FARS2: variants seen among roughly 807,000 people sequenced by gnomAD.
FARS2 encodes phenylalanyl-tRNA synthetase 2, mitochondrial.
FARS2 carries 40 observed loss-of-function variants against 46.4 expected under a neutral mutation model. That is an observed-to-expected ratio of 0.86 (90% CI 0.67 to 1.12). The LOEUF is 1.12. FARS2 is among the 50% of genes most tolerant of loss of function. FARS2 has a pLI of 0.00. For missense variants in FARS2, 513 were observed against 567.9 expected, an observed-to-expected ratio of 0.90 and a Z score of 0.98; for synonymous variants, 234 against 214.9, an observed-to-expected ratio of 1.09 and a Z score of -0.78.
intron 1 of FARS2, among the ~76,000 whole-genome samples, chr6:5,282,612 A>G (rs1766817573): frequency 6.6e-6 from 1 of 152,222 alleles, no homozygotes; most frequent in Admixed American, 6.5e-5. Flanking sequence ...TCCCTGGAAG[A>G]GAAAGGGGCT....
chr6:5,339,465 G>A (rs997740465), intron 1 of FARS2, among the ~76,000 whole-genome samples: 2 of 150,118 alleles, frequency 1.3e-5, no homozygotes, highest in African/African-American at 4.9e-5. Flanking sequence ...GTCTCACCTT[G>A]TCAGCCAGGT....
chr6:5,428,910 A>G (rs1301171257), intron 3 of FARS2, among the ~76,000 whole-genome samples: 3 of 152,236 alleles, frequency 2.0e-5, no homozygotes, highest in Non-Finnish European at 2.9e-5. Context: ...AAAAGGAATG[A>G]ACTATTGATA....
At chr6:5,613,408 C>G (rs1282266146) in intron 6 of FARS2, 88 bp downstream of exon 6, 4 of 1,184,874 alleles carry the variant, frequency 3.4e-6, no homozygotes, top group Non-Finnish European at 4.8e-6. Context: ...TGCTGAAACC[C>G]AGGGTATCTG....
At chr6:5,461,739 G>A (rs1765255784) in intron 4 of FARS2, among the ~76,000 whole-genome samples, 1 of 152,168 alleles carries the variant, frequency 6.6e-6, no homozygotes, top group Non-Finnish European at 1.5e-5. Flanking sequence ...GTGTTTTGCG[G>A]TTCATCCTAT....
chr6:5,717,072 A>G (rs6942212), intron 6 of FARS2, among the ~76,000 whole-genome samples: 145,600 of 152,310 alleles, frequency 0.96, 69,638 homozygotes, highest in East Asian at 1. Context: ...TCTCTGTGCA[A>G]CATTCCTTCC....
intron 5 of FARS2, 57 bp downstream of exon 5, chr6:5,545,397 A>G (rs867132569): frequency 2.3e-6 from 3 of 1,327,718 alleles, no homozygotes; most frequent in South Asian, 1.3e-5. Flanking sequence ...TCAAGGATCG[A>G]CAGGATCATG....
chr6:5,618,357 C>G (rs1285534168), intron 6 of FARS2, among the ~76,000 whole-genome samples: 2 of 152,160 alleles, frequency 1.3e-5, no homozygotes, highest in Non-Finnish European at 2.9e-5. Context: ...GACCTTGAAC[C>G]TTGACCTCAA....
At chr6:5,448,688 A>G (rs1582135192) in intron 4 of FARS2, among the ~76,000 whole-genome samples, 2 of 152,354 alleles carry the variant, frequency 1.3e-5, no homozygotes, top group East Asian at 1.9e-4. Context: ...TTTGCGTGCA[A>G]GTACATTTAT....
intron 6 of FARS2, among the ~76,000 whole-genome samples, chr6:5,770,431 G>A (rs1260657909): frequency 1.3e-5 from 2 of 151,510 alleles, no homozygotes; most frequent in African/African-American, 4.9e-5. Context: ...GCTGCTGCTG[G>A]GGGTTGGAAA....
chr6:5,336,929 T>G (rs1286780033), intron 1 of FARS2, among the ~76,000 whole-genome samples: 1 of 152,142 alleles, frequency 6.6e-6, no homozygotes, highest in Non-Finnish European at 1.5e-5. Context: ...TTCTTTTAAA[T>G]TTCTTTTGTA....
At chr6:5,516,004 A>G (rs991392529) in intron 4 of FARS2, among the ~76,000 whole-genome samples, 1 of 152,202 alleles carries the variant, frequency 6.6e-6, no homozygotes, top group Non-Finnish European at 1.5e-5. Flanking sequence ...CAGAAAAAAC[A>G]TCTCAAAACC....
intron 3 of FARS2, among the ~76,000 whole-genome samples, chr6:5,424,040 A>G (rs968895975): frequency 4.6e-5 from 7 of 152,206 alleles, no homozygotes; most frequent in Non-Finnish European, 8.8e-5. Context: ...GACGAGATGT[A>G]AACAGCAAGG....
chr6:5,741,325 C>T (rs2150952075), intron 6 of FARS2, among the ~76,000 whole-genome samples: 1 of 152,320 alleles, frequency 6.6e-6, no homozygotes, highest in South Asian at 2.1e-4. Flanking sequence ...CGTGTGGATG[C>T]TATGGGAATG....
intron 6 of FARS2, among the ~76,000 whole-genome samples, chr6:5,739,110 G>A (rs1441103882): frequency 6.6e-6 from 1 of 151,930 alleles, no homozygotes; most frequent in Admixed American, 6.5e-5. Context: ...TTATGTACAC[G>A]GAGTCACACT....
intron 4 of FARS2, among the ~76,000 whole-genome samples, chr6:5,504,243 A>G (rs7738121): frequency 0.035 from 5,387 of 152,258 alleles, 151 homozygotes; most frequent in African/African-American, 0.073. Flanking sequence ...CTATATCACA[A>G]TGGAATGAAG....
chr6:5,568,127 C>A (rs1772424928), intron 5 of FARS2, among the ~76,000 whole-genome samples: 1 of 152,194 alleles, frequency 6.6e-6, no homozygotes, highest in South Asian at 2.1e-4. Flanking sequence ...TGTCTCTGTC[C>A]TTCCCCCTTT....
At chr6:5,531,156 C>T (rs971716100) in intron 4 of FARS2, among the ~76,000 whole-genome samples, 25 of 152,132 alleles carry the variant, frequency 1.6e-4, no homozygotes, top group Middle Eastern at 3.4e-3. Context: ...CAGATTTTCA[C>T]GTATATCTTA....
At chr6:5,725,679 T>C (rs774378645) in intron 6 of FARS2, among the ~76,000 whole-genome samples, 9 of 152,254 alleles carry the variant, frequency 5.9e-5, no homozygotes, top group Non-Finnish European at 1.3e-4. Context: ...CTCACACCTG[T>C]AATCCCAGCA....
At chr6:5,500,483 C>T (rs565426974) in intron 4 of FARS2, among the ~76,000 whole-genome samples, 2 of 152,326 alleles carry the variant, frequency 1.3e-5, no homozygotes, top group Non-Finnish European at 2.9e-5. Flanking sequence ...GCCAGCCACA[C>T]CAGCGGAGGG....
Sources: allele counts gnomAD v4.1 joint callset (sites outside exome capture counted in the v4.1 genomes callset), GRCh38; gene constraint gnomAD v4.1.1; transcripts MANE v1.5; gene names NCBI Gene and HGNC (gene_info 2026-07-23, HGNC 2026-07-21).